The following ABLIM1 variants were observed in gnomAD, a reference collection of about 807,000 sequenced individuals.
ABLIM1 encodes actin-binding LIM protein 1.
In ABLIM1, 40 loss-of-function variants were observed where a neutral mutation model predicts 107.0. The ratio of observed to expected loss-of-function variants is 0.37; its 90% confidence interval spans 0.29 to 0.49. The LOEUF is 0.49. ABLIM1 is among the 20% of genes least tolerant of loss of function. The probability of loss-of-function intolerance (pLI) is 0.97; values close to 1 mark genes in which losing one functional copy is unlikely to be tolerated. For missense variants in ABLIM1, 857 were observed against 1,008.5 expected, an observed-to-expected ratio of 0.85 and a Z score of 2.04; for synonymous variants, 357 against 357.3, an observed-to-expected ratio of 1.00 and a Z score of 0.01.
Position 114,699,432 on chromosome 10 carries a change from G to GCATAAAAAACTTATAATAAAA in ABLIM1, c.-213+68628_-213+68629insTTTTATTATAAGTTTTTTATG, listed in dbSNP as rs1480801078. 2.7e-4 allele frequency among the ~76,000 whole-genome samples: 41 copies of GCATAAAAAACTTATAATAAAA among 152,074 alleles called. No homozygotes were observed. The East Asian group carries it at 7.2e-3, about 27-fold the overall frequency. ...CTAAAAATCAACTTATAATAAAAAA[G>GCATAAAAAACTTATAATAAAA]AAAGCATAAAAGTTAGATTTAAAAT... is the stretch of plus-strand genomic sequence containing the variant. On this transcript the variant is annotated intron_variant, in intron 1 of 15. Coordinates refer to the ABLIM1 transcript ENST00000651092.
intron 1 of ABLIM1, among the ~76,000 whole-genome samples, chr10:114,734,732 A>C (rs572375546): frequency 3.3e-5 from 5 of 152,252 alleles, no homozygotes; most frequent in African/African-American, 1.2e-4. Context: ...GGATTATTGA[A>C]TTTTCAAAAG....
At chr10:114,618,952 C>A (rs1359230147) in intron 1 of ABLIM1, among the ~76,000 whole-genome samples, 4 of 152,088 alleles carry the variant, frequency 2.6e-5, no homozygotes, top group Non-Finnish European at 5.9e-5. Context: ...TGGCAAGAAG[C>A]CACTCCTGGG....
At chr10:114,567,831 C>T (rs2070983516) in intron 4 of ABLIM1, among the ~76,000 whole-genome samples, 1 of 152,182 alleles carries the variant, frequency 6.6e-6, no homozygotes, top group Non-Finnish European at 1.5e-5. Flanking sequence ...AGGACCTTGG[C>T]CTTGGCTTTC....
intron 1 of ABLIM1, among the ~76,000 whole-genome samples, chr10:114,669,401 A>T (rs938437653): frequency 6.6e-6 from 1 of 152,224 alleles, no homozygotes; most frequent in Non-Finnish European, 1.5e-5. Context: ...TTGGTAATTA[A>T]CCTCACCTAA....
chr10:114,626,440 T>G (rs148689641), intron 1 of ABLIM1, among the ~76,000 whole-genome samples: 290 of 152,282 alleles, frequency 1.9e-3, no homozygotes, highest in African/African-American at 6.7e-3. Context: ...CCAAGAAATC[T>G]CAGAGTCTGC....
intron 6 of ABLIM1, among the ~76,000 whole-genome samples, chr10:114,542,468 G>T (rs1479604098): frequency 1.3e-5 from 2 of 148,610 alleles, no homozygotes; most frequent in African/African-American, 5.0e-5. Context: ...AGAAGATGAT[G>T]ATGAAGAAGG....
intron 1 of ABLIM1, among the ~76,000 whole-genome samples, chr10:114,757,383 T>A (rs760519204): frequency 1.3e-5 from 2 of 152,156 alleles, no homozygotes; most frequent in African/African-American, 2.4e-5. Flanking sequence ...AAAATAGGAA[T>A]AATAAATATT....
chr10:114,610,316 T>C (rs908444966), intron 1 of ABLIM1, among the ~76,000 whole-genome samples: 1 of 152,164 alleles, frequency 6.6e-6, no homozygotes, highest in Non-Finnish European at 1.5e-5. Flanking sequence ...TGGAAATCTC[T>C]CTCTGGTTGA....
In ABLIM1 at chr10:114,473,129, T is replaced by C. The variant is rs754175117; in HGVS notation, c.1123A>G (p.Lys375Glu). The C allele has an allele frequency of 6.2e-7, 1 of 1,607,522 alleles. No individual in the cohort carries two copies. Among genetic ancestry groups the C allele is most frequent in the African/African-American group, 1.3e-5 (1 of 74,748 alleles). Residue 375 changes from lysine to glutamate, a missense_variant, in exon 10 of 23, where the codon AAA becomes GAA. Coordinates refer to ENST00000533213, the MANE Select transcript of ABLIM1 (RefSeq NM_002313.7). ...PGSPGHTIYAKVDNEILDYKD... is the reference protein window; with the variant it reads ...PGSPGHTIYAEVDNEILDYKD... ...TAATCCAGGATCTCATTGTCTACTT[T>C]TGCCTGGCAAAGTTAACCAGAAAGA...
At chr10:114,578,539 T>C (rs1176553340) in intron 2 of ABLIM1, among the ~76,000 whole-genome samples, 2 of 151,844 alleles carry the variant, frequency 1.3e-5, no homozygotes, top group Non-Finnish European at 2.9e-5. Flanking sequence ...CCCAAGTAGC[T>C]GGGATTACAG....
intron 2 of ABLIM1, among the ~76,000 whole-genome samples, chr10:114,589,999 C>T (rs1432216440): frequency 6.6e-6 from 1 of 152,152 alleles, no homozygotes; most frequent in Non-Finnish European, 1.5e-5. Flanking sequence ...GTGACCTATA[C>T]TGGTGTACCA....
chr10:114,750,283 C>A, intron 1 of ABLIM1, among the ~76,000 whole-genome samples: 1 of 152,200 alleles, frequency 6.6e-6, no homozygotes, highest in Non-Finnish European at 1.5e-5. Context: ...CCACTATGGT[C>A]TTTGACAGTC....
intron 1 of ABLIM1, among the ~76,000 whole-genome samples, chr10:114,752,454 C>T (rs1216237808): frequency 6.6e-6 from 1 of 152,086 alleles, no homozygotes; most frequent in Non-Finnish European, 1.5e-5. Context: ...TTTTAAGTTC[C>T]GGGGTAAACG....
chr10:114,575,336 A>G (rs968342150), intron 3 of ABLIM1, 80 bp downstream of exon 3: 3 of 1,500,728 alleles, frequency 2.0e-6, no homozygotes, highest in Non-Finnish European at 2.7e-6. Context: ...CAAAAGGTGT[A>G]TAATCCAACC....
intron 22 of ABLIM1, among the ~76,000 whole-genome samples, 163 bp downstream of exon 22, chr10:114,437,681 A>AT (rs1250454699): frequency 1.3e-5 from 2 of 151,732 alleles, no homozygotes; most frequent in African/African-American, 4.8e-5. Flanking sequence ...AAACCTGGAT[A>AT]TTTTTTTTCT....
intron 2 of ABLIM1, among the ~76,000 whole-genome samples, chr10:114,580,308 G>C (rs138583588): frequency 1.3e-5 from 2 of 151,994 alleles, no homozygotes; most frequent in African/African-American, 4.8e-5. Flanking sequence ...CTGGGTGCAA[G>C]AAAACCTCCT....
chr10:114,748,520 C>T (rs1025360281), intron 1 of ABLIM1, among the ~76,000 whole-genome samples: 7 of 151,330 alleles, frequency 4.6e-5, no homozygotes, highest in African/African-American at 1.5e-4. Flanking sequence ...TGTCTGTCTG[C>T]TCTGTTTGAT....
At chr10:114,557,232 T>A (rs1259491704) in intron 4 of ABLIM1, among the ~76,000 whole-genome samples, 1 of 152,212 alleles carries the variant, frequency 6.6e-6, no homozygotes, top group Non-Finnish European at 1.5e-5. Flanking sequence ...CATGTCCCTG[T>A]AGGTCAGTGG....
chr10:114,788,449 T>TG, the ABLIM1 span, among the ~76,000 whole-genome samples: 1 of 148,052 alleles, frequency 6.8e-6, no homozygotes, highest in African/African-American at 2.5e-5. Flanking sequence ...TAGTAGGGAC[T>TG]GGGCAAGGAG....
Sources: allele counts gnomAD v4.1 joint callset (sites outside exome capture counted in the v4.1 genomes callset), GRCh38; gene constraint gnomAD v4.1.1; transcripts MANE v1.5; gene names NCBI Gene and HGNC (gene_info 2026-07-23, HGNC 2026-07-21).